Variants in RASAL2 observed in about 807,000 individuals in gnomAD.
RASAL2 encodes the protein ras GTPase-activating protein nGAP.
RASAL2 carries 58 observed loss-of-function variants against 128.9 expected under a neutral mutation model. The ratio of observed to expected loss-of-function variants is 0.45; its 90% confidence interval spans 0.36 to 0.56. The LOEUF is 0.56. Ranked by LOEUF, RASAL2 falls within the 20% of genes least tolerant of loss-of-function variation. The pLI, the probability that RASAL2 is intolerant of heterozygous loss-of-function variation, is 0.00. For synonymous variants in RASAL2, 561 were observed against 580.8 expected (o/e 0.97, Z 0.49); for missense variants, 1,360 against 1,601.6 (o/e 0.85, Z 2.57).
chr1:178,336,127 T>G (rs962099351), intron 3 of RASAL2, among the ~76,000 whole-genome samples: 2 of 151,920 alleles, frequency 1.3e-5, no homozygotes, highest in Non-Finnish European at 2.9e-5. Context: ...ACTTCGTAGG[T>G]TTTTATATTT....
intron 1 of RASAL2, among the ~76,000 whole-genome samples, chr1:178,111,841 C>T (rs1207094695): frequency 6.6e-6 from 1 of 152,014 alleles, no homozygotes; most frequent in Non-Finnish European, 1.5e-5. Flanking sequence ...GCGATTCTCC[C>T]ACCTCAGCCT....
In RASAL2 at chr1:178,478,756, T is replaced by C. The variant is rs1351961510; in HGVS notation, c.*5517T>C. Reference sequence around the variant, plus strand: ...GATTTATTTTTGTTCTGTGAATAATTTTTGACAGTTCTTGTACATGTACAG... The same window carrying C: ...GATTTATTTTTGTTCTGTGAATAATCTTTGACAGTTCTTGTACATGTACAG... On this transcript the variant is annotated 3_prime_UTR_variant, in exon 18 of 18. Coordinates refer to ENST00000367649, the MANE Select transcript of RASAL2 (RefSeq NM_170692.4). 6.6e-6 allele frequency: 1 copy of C among 152,234 alleles called. No individual in the cohort carries two copies. Among genetic ancestry groups the C allele is most frequent in the Non-Finnish European group, 1.5e-5 (1 of 68,036 alleles). 9.4% of individuals were successfully genotyped at this position (152,234 alleles called of 1,614,324 possible). A position where few individuals can be genotyped will look rare whatever the true frequency, so the allele number is the denominator to read the frequency against.
intron 1 of RASAL2, among the ~76,000 whole-genome samples, chr1:178,262,941 G>A (rs1367267833): frequency 6.6e-6 from 1 of 151,846 alleles, no homozygotes; most frequent in Non-Finnish European, 1.5e-5. Flanking sequence ...CTAGCCAAAA[G>A]GCTCTGGATT....
chr1:178,390,025 G>T, intron 3 of RASAL2, 75 bp from the exon 4 acceptor site: 1 of 898,760 alleles, frequency 1.1e-6, no homozygotes, highest in Non-Finnish European at 1.7e-6. Context: ...TGAAAAACCA[G>T]TAACTTTACA....
At chr1:178,406,555 G>T (rs1009008904) in intron 4 of RASAL2, among the ~76,000 whole-genome samples, 3 of 151,926 alleles carry the variant, frequency 2.0e-5, no homozygotes, top group Non-Finnish European at 2.9e-5. Context: ...ATATTGACTT[G>T]TTTTTTGTAA....
intron 1 of RASAL2, among the ~76,000 whole-genome samples, chr1:178,271,096 G>A (rs571304572): frequency 6.6e-6 from 1 of 152,104 alleles, no homozygotes; most frequent in Admixed American, 6.5e-5. Flanking sequence ...TATAATGGGC[G>A]AGAGGATCTT....
intron 5 of RASAL2, among the ~76,000 whole-genome samples, chr1:178,433,052 C>T (rs549917905): frequency 7.9e-5 from 12 of 152,176 alleles, no homozygotes; most frequent in African/African-American, 2.6e-4. Context: ...CTCTCTCAAA[C>T]GTCATTATTC....
At chr1:178,170,536 A>G (rs1382276517) in intron 1 of RASAL2, among the ~76,000 whole-genome samples, 1 of 151,660 alleles carries the variant, frequency 6.6e-6, no homozygotes, top group African/African-American at 2.4e-5. Context: ...AACTATTTAA[A>G]TATTTTCTCC....
At chr1:178,095,716 T>G (rs1040722425) in intron 1 of RASAL2, among the ~76,000 whole-genome samples, 1 of 152,194 alleles carries the variant, frequency 6.6e-6, no homozygotes, top group African/African-American at 2.4e-5. Context: ...CTTAGGTTTT[T>G]TTCTGTGTAG....
At chr1:178,411,705 C>G in intron 4 of RASAL2, 1 of 813,396 alleles carries the variant, frequency 1.2e-6, no homozygotes, top group South Asian at 1.3e-5. Flanking sequence ...ATCTTTCTGG[C>G]AAAGAAACCA....
intron 2 of RASAL2, among the ~76,000 whole-genome samples, chr1:178,290,739 G>A (rs980516601): frequency 6.6e-6 from 1 of 151,916 alleles, no homozygotes. Flanking sequence ...GCGGTGGTGC[G>A]ATCTCGGCTC....
At chr1:178,284,991 G>A (rs61813813) in intron 2 of RASAL2, among the ~76,000 whole-genome samples, 1,715 of 148,850 alleles carry the variant, frequency 0.012, 17 homozygotes, top group Non-Finnish European at 0.017. Context: ...TTCCTTCCCT[G>A]TTCCTTCTCT....
At chr1:178,266,880 C>A (rs1665980241) in intron 1 of RASAL2, among the ~76,000 whole-genome samples, 1 of 152,228 alleles carries the variant, frequency 6.6e-6, no homozygotes, top group African/African-American at 2.4e-5. Flanking sequence ...AAATGGGGGG[C>A]AGCCATGTTG....
At chr1:178,255,167 T>A (rs1002995329) in intron 1 of RASAL2, among the ~76,000 whole-genome samples, 1 of 152,004 alleles carries the variant, frequency 6.6e-6, no homozygotes, top group Admixed American at 6.6e-5. Context: ...AGACAAATTG[T>A]CACCAGCAGA....
chr1:178,375,021 C>T (rs965897388), intron 3 of RASAL2, among the ~76,000 whole-genome samples: 5 of 151,968 alleles, frequency 3.3e-5, no homozygotes, highest in African/African-American at 9.7e-5. Context: ...GTAATTCAGA[C>T]GACAGTGGAG....
intron 1 of RASAL2, among the ~76,000 whole-genome samples, chr1:178,187,685 G>C (rs1471326284): frequency 6.6e-6 from 1 of 152,054 alleles, no homozygotes; most frequent in Non-Finnish European, 1.5e-5. Flanking sequence ...ATTATGACTG[G>C]GTTTAAACTT....
intron 1 of RASAL2, among the ~76,000 whole-genome samples, chr1:178,162,577 TATA>T (rs1661366620): frequency 7.2e-6 from 1 of 138,092 alleles, no homozygotes; most frequent in East Asian, 2.0e-4. Context: ...ATAAAATATA[TATA>T]ATATATATTT....
intron 1 of RASAL2, among the ~76,000 whole-genome samples, chr1:178,213,331 A>C (rs938123062): frequency 6.6e-6 from 1 of 152,246 alleles, no homozygotes; most frequent in African/African-American, 2.4e-5. Context: ...GGCATGAGCC[A>C]CTGTACCTAG....
chr1:178,197,124 G>A (rs1405947301), intron 1 of RASAL2, among the ~76,000 whole-genome samples: 1 of 152,144 alleles, frequency 6.6e-6, no homozygotes, highest in African/African-American at 2.4e-5. Flanking sequence ...GACCAGCCTG[G>A]CCAACATCGT....
Sources: gnomAD v4.1 joint callset for allele counts (sites outside exome capture counted in the v4.1 genomes callset) on GRCh38, gnomAD v4.1.1 for gene constraint, MANE v1.5 for transcripts, NCBI Gene and HGNC (gene_info 2026-07-23, HGNC 2026-07-21) for gene names.